Variants in PDE1C observed in about 807,000 individuals in gnomAD.
The protein encoded by PDE1C is phosphodiesterase 1C, also known as dual specificity calcium/calmodulin-dependent 3',5'-cyclic nucleotide phosphodiesterase 1C.
In PDE1C, 62 loss-of-function variants were observed where a neutral mutation model predicts 93.1. That is an observed-to-expected ratio of 0.67 (90% confidence interval 0.54 to 0.82). The LOEUF is 0.82. Among genes scored for constraint, PDE1C ranks in the 40% least tolerant of loss-of-function variants. The pLI, the probability that PDE1C is intolerant of heterozygous loss-of-function variation, is 0.00. For synonymous variants in PDE1C, 325 were observed against 310.1 expected (o/e 1.05, Z -0.50); for missense variants, 742 against 884.6 (o/e 0.84, Z 2.04).
intron 2 of PDE1C, among the ~76,000 whole-genome samples, chr7:32,192,996 T>C (rs1804344701): frequency 6.6e-6 from 1 of 152,204 alleles, no homozygotes; most frequent in South Asian, 2.1e-4. Flanking sequence ...TGTATGTTTA[T>C]CTTATATACT....
chr7:31,949,992 C>T (rs535865147), intron 2 of PDE1C, among the ~76,000 whole-genome samples: 17 of 152,136 alleles, frequency 1.1e-4, no homozygotes, highest in Non-Finnish European at 2.1e-4. Flanking sequence ...ACTTTAGATA[C>T]TTGCAAGTAT....
chr7:32,307,086 A>C (rs1813023394), intron 1 of PDE1C, among the ~76,000 whole-genome samples: 1 of 152,192 alleles, frequency 6.6e-6, no homozygotes, highest in African/African-American at 2.4e-5. Flanking sequence ...GAAAAACAGC[A>C]CTTAGTCATT....
chr7:32,337,894 A>G (rs1783661844), intron 1 of PDE1C, among the ~76,000 whole-genome samples: 1 of 152,194 alleles, frequency 6.6e-6, no homozygotes, highest in South Asian at 2.1e-4. Flanking sequence ...GAGTCTTTTC[A>G]ACAAGTGGTG....
At chr7:31,825,264 A>G (rs1385928092) in intron 12 of PDE1C, among the ~76,000 whole-genome samples, 1 of 152,166 alleles carries the variant, frequency 6.6e-6, no homozygotes, top group Non-Finnish European at 1.5e-5. Flanking sequence ...GCTGTGTAAA[A>G]GACCAAGACT....
At chr7:32,287,716 C>A (rs1812083189) in intron 1 of PDE1C, among the ~76,000 whole-genome samples, 1 of 152,208 alleles carries the variant, frequency 6.6e-6, no homozygotes, top group Non-Finnish European at 1.5e-5. Context: ...GCCCATGGGT[C>A]CTACCTGGGA....
intron 1 of PDE1C, among the ~76,000 whole-genome samples, chr7:32,331,341 G>C (rs1783511215): frequency 6.6e-6 from 1 of 152,190 alleles, no homozygotes; most frequent in Non-Finnish European, 1.5e-5. Context: ...GCTGGTGTGC[G>C]AAGCAAGACT....
At chr7:32,426,779 T>G (rs567587020) in intron 1 of PDE1C, among the ~76,000 whole-genome samples, 63 of 152,292 alleles carry the variant, frequency 4.1e-4, no homozygotes, top group Non-Finnish European at 1.0e-4. Context: ...TTTTGAAAAC[T>G]TTCAAGGGAA....
chr7:32,345,875 T>C (rs1783844364), intron 1 of PDE1C, among the ~76,000 whole-genome samples: 1 of 152,192 alleles, frequency 6.6e-6, no homozygotes, highest in Admixed American at 6.5e-5. Flanking sequence ...TGAAGAAACC[T>C]TCATACATTG....
At chr7:32,048,256 A>T (rs188259013) in intron 2 of PDE1C, among the ~76,000 whole-genome samples, 16 of 152,332 alleles carry the variant, frequency 1.1e-4, no homozygotes, top group Admixed American at 9.8e-4. Context: ...CAAGAGATTT[A>T]GTCTATGGTC....
At chr7:31,674,189 T>A in the PDE1C span, among the ~76,000 whole-genome samples, 1 of 152,198 alleles carries the variant, frequency 6.6e-6, no homozygotes, top group African/African-American at 2.4e-5. Flanking sequence ...AGGCAATCAC[T>A]GTTCTGATTT....
At chr7:31,750,458 T>C (rs1200989991), downstream of PDE1C, among the ~76,000 whole-genome samples, 9 of 152,194 alleles carry the variant, frequency 5.9e-5, no homozygotes, top group Non-Finnish European at 1.2e-4. Flanking sequence ...TAAGGGACAT[T>C]ACCCTTGAAC....
chr7:31,703,976 A>G, the PDE1C span, among the ~76,000 whole-genome samples: 1 of 152,212 alleles, frequency 6.6e-6, no homozygotes. Context: ...GGCAGAAAGC[A>G]TTGGTTCTGA....
At chr7:32,405,216 C>T (rs904358790) in intron 1 of PDE1C, among the ~76,000 whole-genome samples, 2 of 151,726 alleles carry the variant, frequency 1.3e-5, no homozygotes, top group African/African-American at 4.8e-5. Flanking sequence ...CACCCAAACC[C>T]AGGATTAAAA....
the PDE1C span, chr7:31,695,635 TC>T: frequency 6.2e-7 from 1 of 1,608,140 alleles, no homozygotes; most frequent in Non-Finnish European, 8.5e-7. Flanking sequence ...ATGGACAAAG[TC>T]ATCTGCACAG....
chr7:32,186,227 C>A (rs62456300), intron 2 of PDE1C, among the ~76,000 whole-genome samples: 31,989 of 151,482 alleles, frequency 0.21, 4,105 homozygotes, highest in Admixed American at 0.34. Flanking sequence ...CTCAGCCTCC[C>A]GAGTAGCTGG....
In PDE1C at chr7:32,355,959, T is replaced by C. The variant is rs1417127618; in HGVS notation, c.310+71863A>G. Among the ~76,000 whole-genome samples, 151 of 152,258 alleles carry C rather than the reference T, an allele frequency of 9.9e-4. 4 individuals carry two copies. The highest frequency in any genetic ancestry group is 9.7e-3 in the Admixed American group (148 of 15,288). On this transcript the variant is annotated intron_variant, in intron 1 of 1. Coordinates refer to the PDE1C transcript ENST00000672256. ...CTCAAATGTTAAAGTATAATCCATT[T>C]GGCTCTCATTTTTCATTTCACTGGG...
chr7:32,176,728 T>C (rs1408482190), intron 2 of PDE1C, among the ~76,000 whole-genome samples: 1 of 152,144 alleles, frequency 6.6e-6, no homozygotes, highest in Non-Finnish European at 1.5e-5. Flanking sequence ...AGAGAAATCT[T>C]GAACCTCCCT....
intron 17 of PDE1C, among the ~76,000 whole-genome samples, chr7:31,764,969 G>A (rs1254166381): frequency 1.1e-4 from 16 of 152,098 alleles, no homozygotes; most frequent in Non-Finnish European, 2.9e-5. Flanking sequence ...TTTCTTCAGC[G>A]GTGTCTTGAT....
chr7:31,898,821 T>C (rs1331877902), intron 2 of PDE1C, among the ~76,000 whole-genome samples: 2 of 152,212 alleles, frequency 1.3e-5, no homozygotes, highest in African/African-American at 2.4e-5. Flanking sequence ...AATGGAAATA[T>C]ATGTGCAAAA....
Sources: gnomAD v4.1 joint callset for allele counts (sites outside exome capture counted in the v4.1 genomes callset) on GRCh38, gnomAD v4.1.1 for gene constraint, MANE v1.5 for transcripts, NCBI Gene and HGNC (gene_info 2026-07-23, HGNC 2026-07-21) for gene names.